Variants in FAM169A observed in about 807,000 individuals in gnomAD.
FAM169A encodes the protein family with sequence similarity 169 member A.
In FAM169A, 24 loss-of-function variants were observed where a neutral mutation model predicts 75.7. The ratio of observed to expected loss-of-function variants is 0.32; its 90% CI spans 0.23 to 0.45. The LOEUF is 0.45. FAM169A is among the 20% of genes least tolerant of loss of function. FAM169A has a pLI of 1.00. For synonymous variants in FAM169A, 271 were observed against 271.0 expected (o/e 1.00, Z 0.00); for missense variants, 673 against 784.0 (o/e 0.86, Z 1.69).
intron 1 of FAM169A, among the ~76,000 whole-genome samples, chr5:74,844,939 C>T (rs1245017794): frequency 1.3e-5 from 2 of 151,992 alleles, no homozygotes; most frequent in African/African-American, 2.4e-5. Flanking sequence ...TGGCATTTAC[C>T]CAATAACCTC....
At chr5:74,788,000 G>A (rs1745782339) in intron 11 of FAM169A, among the ~76,000 whole-genome samples, 1 of 152,150 alleles carries the variant, frequency 6.6e-6, no homozygotes, top group Admixed American at 6.6e-5. Flanking sequence ...GACAATTTAT[G>A]CTGTGAGTCT....
At chr5:74,855,645 A>G (rs1304031518) in intron 1 of FAM169A, among the ~76,000 whole-genome samples, 1 of 152,090 alleles carries the variant, frequency 6.6e-6, no homozygotes, top group Non-Finnish European at 1.5e-5. Flanking sequence ...CATGTTTTCA[A>G]CTATTGAGTT....
chr5:74,863,593 A>AT (rs1750151684), intron 1 of FAM169A, among the ~76,000 whole-genome samples: 2 of 152,208 alleles, frequency 1.3e-5, no homozygotes, highest in Non-Finnish European at 2.9e-5. Context: ...ATCTTACTGA[A>AT]TTTTTAGGCA....
At chr5:74,826,642 A>G (rs888563289) in intron 5 of FAM169A, among the ~76,000 whole-genome samples, 1 of 152,188 alleles carries the variant, frequency 6.6e-6, no homozygotes, top group African/African-American at 2.4e-5. Context: ...CTTTTAAAAA[A>G]CTATTTTAAA....
intron 6 of FAM169A, among the ~76,000 whole-genome samples, chr5:74,809,511 G>C (rs1442697526): frequency 1.3e-5 from 2 of 152,170 alleles, no homozygotes; most frequent in Admixed American, 1.3e-4. Flanking sequence ...CAGGAGAATG[G>C]CGTGAACATG....
intron 1 of FAM169A, among the ~76,000 whole-genome samples, chr5:74,857,002 G>A (rs977911744): frequency 3.3e-5 from 5 of 151,044 alleles, no homozygotes; most frequent in South Asian, 2.1e-4. Context: ...CCAGCCACTC[G>A]GGAGGCTGAG....
intron 5 of FAM169A, among the ~76,000 whole-genome samples, chr5:74,814,232 G>A (rs1445838283): frequency 6.6e-6 from 1 of 151,978 alleles, no homozygotes; most frequent in Non-Finnish European, 1.5e-5. Flanking sequence ...TTTTATGTTT[G>A]CTAGTAGTAT....
At chr5:74,823,892 A>G (rs1747884700) in intron 5 of FAM169A, among the ~76,000 whole-genome samples, 1 of 152,188 alleles carries the variant, frequency 6.6e-6, no homozygotes, top group African/African-American at 2.4e-5. Context: ...AATCCTTATA[A>G]TTTTACATCA....
intron 1 of FAM169A, among the ~76,000 whole-genome samples, chr5:74,845,409 T>A (rs1749102633): frequency 6.6e-6 from 1 of 152,080 alleles, no homozygotes; most frequent in Non-Finnish European, 1.5e-5. Flanking sequence ...TCCCAGCTAC[T>A]CAAGAGGCTG....
At chr5:74,831,158 G>A (rs759952492) in intron 5 of FAM169A, among the ~76,000 whole-genome samples, 10 of 152,220 alleles carry the variant, frequency 6.6e-5, no homozygotes, top group Admixed American at 1.3e-4. Flanking sequence ...AAGTCTCAAC[G>A]ATCATCTGTG....
intron 5 of FAM169A, among the ~76,000 whole-genome samples, chr5:74,818,720 G>A (rs1747602367): frequency 6.6e-6 from 1 of 150,618 alleles, no homozygotes; most frequent in South Asian, 2.1e-4. Flanking sequence ...AAAGGGCAAA[G>A]ACAAGATTAC....
At chr5:74,835,715 A>T (rs1008361769) in intron 4 of FAM169A, among the ~76,000 whole-genome samples, 1 of 152,116 alleles carries the variant, frequency 6.6e-6, no homozygotes, top group Non-Finnish European at 1.5e-5. Flanking sequence ...TTGACCATAT[A>T]CATATACTAC....
intron 5 of FAM169A, among the ~76,000 whole-genome samples, chr5:74,820,026 C>T (rs1273744317): frequency 1.5e-5 from 2 of 130,794 alleles, no homozygotes; most frequent in Non-Finnish European, 3.1e-5. Context: ...GGCAGAGTCT[C>T]ATTCTGTTGC....
intron 11 of FAM169A, among the ~76,000 whole-genome samples, chr5:74,793,418 G>A (rs1395154006): frequency 6.6e-6 from 1 of 152,076 alleles, no homozygotes; most frequent in Non-Finnish European, 1.5e-5. Context: ...CAACCTGCAT[G>A]GAGTTGGAGA....
At position 74,838,950 on chromosome 5, in the gene FAM169A, A is replaced by T; in HGVS notation, c.318+15T>A. ...GGCCTCAAAAGAAACACTCAAAATT[A>T]GAGGATCTTGTTACCTGCTTAAGCC... On this transcript the variant is annotated intron_variant, in intron 4 of 12. Transcript: ENST00000687041. 1.3e-6 allele frequency: 2 copies of T among 1,585,154 alleles called. No individual in the cohort carries two copies. Among genetic ancestry groups the T allele is most frequent in the Non-Finnish European group, 1.7e-6 (2 of 1,153,622 alleles).
intron 10 of FAM169A, chr5:74,800,012 T>C (rs770586438): frequency 4.9e-5 from 38 of 779,196 alleles, no homozygotes; most frequent in African/African-American, 1.2e-4. Flanking sequence ...AGAAAGATTG[T>C]CGCAAATATT....
rs188684330 is a variant in FAM169A, at chr5:74,793,952, G to A, written c.1260+2078C>T. Among the ~76,000 whole-genome samples, 590 of 145,872 alleles carry A rather than the reference G, an allele frequency of 4.0e-3. 1 individual carries two copies. Among genetic ancestry groups the A allele is most frequent in the African/African-American group, 0.011 (441 of 38,968 alleles). On this transcript the variant is annotated intron_variant, in intron 11 of 12. Transcript: ENST00000687041. ...CAGGAGGCAGAGCTTGCAGTGAGCC[G>A]AGATTGTGCCACTGCACTCCAGGCT... is the stretch of plus-strand genomic sequence containing the variant.
chr5:74,850,962 G>A (rs147214552), intron 1 of FAM169A, among the ~76,000 whole-genome samples: 8 of 152,264 alleles, frequency 5.3e-5, no homozygotes, highest in African/African-American at 1.9e-4. Context: ...TGTCACCCAG[G>A]CTGGAGTGCA....
In FAM169A at chr5:74,783,807, T is replaced by G. The variant is rs536715307; in HGVS notation, c.1261-673A>C. ...ATTTACTTCTATTTAATATCAAGTA[T>G]TTCTAATCCTGACATTCTAATAATT... On this transcript the variant is annotated intron_variant, in intron 11 of 12. Transcript: ENST00000687041. Among the ~76,000 whole-genome samples the G allele has an allele frequency of 7.2e-5, 11 of 152,340 alleles. No homozygotes were observed. In the South Asian group the frequency reaches 2.1e-3, roughly 29 times the overall value.
Sources: gnomAD v4.1 joint callset for allele counts (sites outside exome capture counted in the v4.1 genomes callset) on GRCh38, gnomAD v4.1.1 for gene constraint, MANE v1.5 for transcripts, NCBI Gene and HGNC (gene_info 2026-07-23, HGNC 2026-07-21) for gene names.